The following TNIP2 variants were observed in gnomAD, a reference collection of about 807,000 sequenced individuals.
TNIP2 encodes TNFAIP3-interacting protein 2.
A neutral mutation model predicts 43.7 loss-of-function variants in TNIP2; 30 were observed. The ratio of observed to expected loss-of-function variants is 0.69; its 90% CI spans 0.51 to 0.93. TNIP2 has a LOEUF of 0.93. TNIP2 is among the 40% of genes least tolerant of loss of function. TNIP2 has a pLI of 0.00. For synonymous variants in TNIP2, 260 were observed against 254.6 expected (o/e 1.02, Z -0.20); for missense variants, 599 against 591.0 (o/e 1.01, Z -0.14).
rs756554228 is a variant in TNIP2 at position 2,756,196 on chromosome 4, G to A, written c.94C>T (p.Arg32Cys). Reference protein sequence around the residue: ...TLYHEAGQRLRRLQDQLAARD... With the variant: ...TLYHEAGQRLCRLQDQLAARD... Reference sequence around the variant, plus strand: ...GCAGCGAGCTGGTCCTGCAGGCGGCGCAGCCGCTGTCCGGCCTCGTGGTAC... The same window carrying A: ...GCAGCGAGCTGGTCCTGCAGGCGGCACAGCCGCTGTCCGGCCTCGTGGTAC... Residue 32 changes from arginine (R) to cysteine (C), a missense_variant, in exon 1 of 6, where the codon CGC (arginine) becomes TGC (cysteine). Transcript: ENST00000315423. 1 of 1,475,156 alleles carries A rather than the reference G, an allele frequency of 6.8e-7. No individual in the cohort carries two copies. Among genetic ancestry groups the A allele is most frequent in the South Asian group, 1.3e-5 (1 of 78,086 alleles). 91.4% of individuals were successfully genotyped at this position (1,475,156 alleles called of 1,614,324 possible).
chr4:2,755,314 C>A (rs1722202781), intron 1 of TNIP2, among the ~76,000 whole-genome samples: 1 of 151,656 alleles, frequency 6.6e-6, no homozygotes, highest in African/African-American at 2.4e-5. Flanking sequence ...TACACACACC[C>A]CCCTCGGAAT....
rs746392986 is a variant in TNIP2, at chr4:2,747,818, C to T, written c.404G>A (p.Arg135His). 1.5e-5 allele frequency: 25 copies of T among 1,613,124 alleles called. No individual in the cohort carries two copies. The highest frequency in any genetic ancestry group is 1.7e-5 in the Admixed American group (1 of 60,004). ...LLRRSMAEGE[R>H]ARAASDVLCR... The stretch of plus-strand genomic sequence containing the variant: ...CAGGACGTCACTGGCGGCCCGGGCG[C>T]GCTCCCCTTCTGCCATGCTCCTCCG... The change falls in exon 2 of 6, where the codon CGC (arginine) becomes CAC (histidine). Residue 135 changes from arginine to histidine, a missense_variant. By Grantham distance (29) the Arg-to-His change is conservative (BLOSUM62 0). Transcript: ENST00000315423.
Position 2,744,308 on chromosome 4 carries a change from A to T in TNIP2, c.1026+79T>A. 7 of 1,574,524 alleles carry T rather than the reference A, an allele frequency of 4.4e-6. No homozygotes were observed. Among genetic ancestry groups the T allele is most frequent in the Non-Finnish European group, 6.1e-6 (7 of 1,153,088 alleles). On this transcript the variant is annotated intron_variant, in intron 5 of 5. Coordinates refer to ENST00000315423, the MANE Select transcript of TNIP2 (RefSeq NM_024309.4). This position sits in a 1 kb window ranked among gnomAD's most constrained non-coding sequence, Gnocchi z 5.1. Reference sequence around the variant, plus strand: ...CCAGCAAATCAGGGCCTTGGCAGACACAGAAAGGCTCTAATCTCATGAGAA... The same window carrying T: ...CCAGCAAATCAGGGCCTTGGCAGACTCAGAAAGGCTCTAATCTCATGAGAA...
Position 2,744,618 on chromosome 4 carries a change from C to T in TNIP2, c.906+79G>A. On this transcript the variant is annotated intron_variant, in intron 4 of 5. Coordinates refer to ENST00000315423, the MANE Select transcript of TNIP2 (RefSeq NM_024309.4). The surrounding 1 kb of genome is among the most constrained non-coding windows in gnomAD (Gnocchi z 5.1). Reference sequence around the variant, plus strand: ...CACTCAGTGCCACCAAGCCTTCAGCCCAGCCTGTCCCATGATTTCGGCCAC... The same window carrying T: ...CACTCAGTGCCACCAAGCCTTCAGCTCAGCCTGTCCCATGATTTCGGCCAC... 1 of 1,588,822 alleles carries T rather than the reference C, an allele frequency of 6.3e-7. No individual in the cohort carries two copies. Among genetic ancestry groups the T allele is most frequent in the South Asian group, 1.1e-5 (1 of 88,924 alleles).
chr4:2,742,030 T>A lies in TNIP2; in HGVS notation c.*227A>T, dbSNP rs1188727861. 1.2e-5 allele frequency: 5 copies of A among 401,544 alleles called. No homozygotes were observed. Among genetic ancestry groups the A allele is most frequent in the Non-Finnish European group, 2.2e-5 (5 of 229,536 alleles). 24.9% of individuals were successfully genotyped at this position (401,544 alleles called of 1,614,324 possible). ...ACTGGGACCTCCCTCTGCCAGATGT[T>A]CCTGACCCCATCTCCACCTCCAGCC... On this transcript the variant is annotated 3_prime_UTR_variant, in exon 6 of 6. Transcript: ENST00000315423.
chr4:2,745,144 C>T (rs138653195), intron 3 of TNIP2, among the ~76,000 whole-genome samples, 199 bp from the exon 4 acceptor site: 90 of 152,322 alleles, frequency 5.9e-4, no homozygotes, highest in African/African-American at 1.9e-3. Flanking sequence ...GACACCCGTA[C>T]GCAAGCAGCA....
chr4:2,755,908 C>A (rs1409520312), intron 1 of TNIP2, 106 bp downstream of exon 1: 1 of 1,365,558 alleles, frequency 7.3e-7, no homozygotes, highest in Admixed American at 3.5e-5. Context: ...ACCCAGTACC[C>A]CCTCAACCCC....
intron 5 of TNIP2, among the ~76,000 whole-genome samples, chr4:2,743,907 AG>A (rs1721863236): frequency 6.6e-6 from 1 of 152,190 alleles, no homozygotes; most frequent in African/African-American, 2.4e-5. Context: ...ACCCCATGGT[AG>A]GAAAAGCACT....
At chr4:2,754,618 A>G (rs892807498) in intron 1 of TNIP2, among the ~76,000 whole-genome samples, 4 of 152,180 alleles carry the variant, frequency 2.6e-5, no homozygotes, top group East Asian at 1.9e-4. Context: ...GGTTTTCACC[A>G]TGTTAGCCAG....
intron 2 of TNIP2, among the ~76,000 whole-genome samples, chr4:2,747,198 T>A (rs1164729748): frequency 5.9e-5 from 9 of 152,240 alleles, no homozygotes; most frequent in Non-Finnish European, 1.0e-4. Context: ...ACACTGAGCC[T>A]GAAGAAGGCG....
intron 5 of TNIP2, among the ~76,000 whole-genome samples, chr4:2,743,808 G>C (rs1427345986): frequency 6.6e-6 from 1 of 152,220 alleles, no homozygotes; most frequent in Non-Finnish European, 1.5e-5. Context: ...TTTTTGCAGA[G>C]CACAAGTCAG....
intron 5 of TNIP2, among the ~76,000 whole-genome samples, chr4:2,743,975 G>A (rs185180420): frequency 6.6e-6 from 1 of 152,338 alleles, no homozygotes; most frequent in East Asian, 1.9e-4. Flanking sequence ...CCACGTGCCA[G>A]GCTGAGCTGG....
At position 2,747,786 on chromosome 4, in the gene TNIP2, A is replaced by G; in HGVS notation, c.436T>C (p.Ser146Pro). 1 of 1,612,368 alleles carries G rather than the reference A, an allele frequency of 6.2e-7. No homozygotes were observed. Among genetic ancestry groups the G allele is most frequent in the Non-Finnish European group, 8.5e-7 (1 of 1,180,032 alleles). ...AGCTGATGGGTCTCGTTGGCCAAGG[A>G]GCGGCACAGGACGTCACTGGCGGCC... The part of the protein sequence containing the change: ...ARAASDVLCR[S>P]LANETHQLRR... Residue 146 changes from serine (S) to proline (P), a missense_variant, in exon 2 of 6, where the codon TCC becomes CCC. Physicochemically the swap from Ser to Pro is moderately conservative, Grantham distance 74. Coordinates refer to ENST00000315423, the MANE Select transcript of TNIP2 (RefSeq NM_024309.4).
At position 2,754,638 on chromosome 4, in the gene TNIP2, A is replaced by G. The variant is rs1263496; in HGVS notation, c.276+1376T>C. On this transcript the variant is annotated intron_variant, in intron 1 of 5. Coordinates refer to ENST00000315423, the MANE Select transcript of TNIP2 (RefSeq NM_024309.4). ...TCACCATGTTAGCCAGGATGGTCTCAATCTCCTGACCTCGTGATCCGCCGC... is the reference window on the plus strand; with the variant it reads ...TCACCATGTTAGCCAGGATGGTCTCGATCTCCTGACCTCGTGATCCGCCGC... Among the ~76,000 whole-genome samples the G allele has an allele frequency of 2.2e-3, 329 of 152,310 alleles. 3 individuals carry two copies. The highest frequency in any genetic ancestry group is 2.5e-3 in the Admixed American group (39 of 15,306).
At chr4:2,755,869 T>A in intron 1 of TNIP2, 145 bp downstream of exon 1, 11 of 674,726 alleles carry the variant, frequency 1.6e-5, no homozygotes, top group Admixed American at 2.3e-4. Flanking sequence ...CCCCAACCCC[T>A]CAGGACCCGA....
chr4:2,744,843 G>A lies in TNIP2; in HGVS notation c.760C>T (p.Pro254Ser). 6.2e-7 allele frequency: 1 copy of A among 1,613,954 alleles called. No individual in the cohort carries two copies. Among genetic ancestry groups the A allele is most frequent in the East Asian group, 2.2e-5 (1 of 44,892 alleles). The change falls in exon 4 of 6, where the codon CCC becomes TCC. Residue 254 changes from proline to serine, a missense_variant. Transcript: ENST00000315423. The surrounding 1 kb of genome is among the most constrained non-coding windows in gnomAD (Gnocchi z 5.1). ...QLRGLQIPHE[P>S]ELMRKEISRL... is the part of the protein sequence containing the mutation. ...GAGATCTCCTTCCTCATCAGCTCGG[G>A]CTCGTGGGGGATCTGCAGCCCCCTG...
rs569590438 is a variant in TNIP2 at position 2,755,412 on chromosome 4, C to T, written c.276+602G>A. ...CACAGAACCCAAGAACTGCACCAACCCCCCTCCTCAGAACCCAGTGCCTCC... is the reference window on the plus strand; with the variant it reads ...CACAGAACCCAAGAACTGCACCAACTCCCCTCCTCAGAACCCAGTGCCTCC... On this transcript the variant is annotated intron_variant, in intron 1 of 5. Transcript: ENST00000315423. 1.2e-4 allele frequency among the ~76,000 whole-genome samples: 17 copies of T among 142,470 alleles called. 1 individual carries two copies. Among genetic ancestry groups the T allele is most frequent in the African/African-American group, 4.4e-4 (16 of 36,758 alleles). 93.5% of individuals were successfully genotyped at this position (142,470 alleles called of 152,430 possible).
chr4:2,749,471 C>T (rs1722047194), intron 1 of TNIP2, among the ~76,000 whole-genome samples: 1 of 152,222 alleles, frequency 6.6e-6, no homozygotes, highest in African/African-American at 2.4e-5. Flanking sequence ...TAGGACGGGA[C>T]TGGTGTCCTT....
chr4:2,744,489 A>C lies in TNIP2; in HGVS notation c.924T>G (p.Asp308Glu). The C allele has an allele frequency of 1.2e-6, 2 of 1,614,142 alleles. No individual in the cohort carries two copies. The highest frequency in any genetic ancestry group is 1.7e-6 in the Non-Finnish European group (2 of 1,180,000). The change falls in exon 5 of 6, where the codon GAT (aspartate) becomes GAG (glutamate). Residue 308 changes from aspartate to glutamate, a missense_variant. Coordinates refer to ENST00000315423, the MANE Select transcript of TNIP2 (RefSeq NM_024309.4). The surrounding 1 kb of genome is among the most constrained non-coding windows in gnomAD (Gnocchi z 5.1). ...MLEQQILAYK[D>E]DFMSERADRE... ...GATCGGCCCTTTCTGACATGAAGTC[A>C]TCCTTGTAAGCGAGAATCTGAAGAG...
Sources: allele counts gnomAD v4.1 joint callset (sites outside exome capture counted in the v4.1 genomes callset), GRCh38; gene constraint gnomAD v4.1.1; non-coding constraint Gnocchi (gnomAD v3.1); transcripts MANE v1.5; gene names NCBI Gene and HGNC (gene_info 2026-07-23, HGNC 2026-07-21).